Variants in KLC3 observed in about 807,000 individuals in gnomAD.
KLC3 encodes the protein kinesin light chain 2.
A neutral mutation model predicts 62.9 loss-of-function variants in KLC3; 72 were observed. The observed-to-expected ratio is 1.15, with a 90% CI of 0.95 to 1.39. The LOEUF is 1.39. KLC3 is among the 40% of genes most tolerant of loss of function. The pLI, the probability that KLC3 is intolerant of heterozygous loss-of-function variation, is 0.00. For synonymous variants in KLC3, 377 were observed against 300.5 expected, an observed-to-expected ratio of 1.25 and a Z score of -2.63; for missense variants, 848 against 691.6, an observed-to-expected ratio of 1.23 and a Z score of -2.54.
At chr19:45,344,958 T>G (rs1340748883) in intron 1 of KLC3, 4 of 157,404 alleles carry the variant, frequency 2.5e-5, no homozygotes, top group African/African-American at 4.8e-5. Context: ...CCTAGAGGCC[T>G]CCTGGGCTTC....
Position 45,341,776 on chromosome 19 carries a change from C to CGTGT in KLC3, c.-9+953_-9+956dup, listed in dbSNP as rs3047585. 1.1e-3 allele frequency among the ~76,000 whole-genome samples: 147 copies of CGTGT among 134,940 alleles called. 1 individual carries two copies. Among genetic ancestry groups the CGTGT allele is most frequent in the Middle Eastern group, 7.2e-3 (2 of 276 alleles). The allele number at this position is 134,940 out of a possible 152,430, so 88.5% of individuals were successfully genotyped here. On this transcript the variant is annotated intron_variant, in intron 1 of 12. Transcript: ENST00000391946. ...GTGGAGGTGTGTGAAGCCGTGTGTG[C>CGTGT]GTGTGTGTGTGTGTGTGTGTGTGTG...
At chr19:45,347,277 G>GGT in intron 3 of KLC3, 170 bp from the exon 4 acceptor site, 1 of 572,354 alleles carries the variant, frequency 1.7e-6, no homozygotes. Context: ...AGGAGGTGGA[G>GGT]GTTGCTGTGA....
At chr19:45,351,197 T>C in intron 12 of KLC3, 89 bp from the exon 13 acceptor site, 2 of 1,585,718 alleles carry the variant, frequency 1.3e-6, no homozygotes, top group South Asian at 1.1e-5. Context: ...GGTTGGATAG[T>C]TGGCTGCCAG....
Position 45,348,356 on chromosome 19 carries a change from G to C in KLC3, c.779+196G>C, listed in dbSNP as rs534763637. Among the ~76,000 whole-genome samples the C allele has an allele frequency of 4.2e-4, 64 of 151,374 alleles. 1 individual carries two copies. Among genetic ancestry groups the C allele is most frequent in the Admixed American group, 1.6e-3 (25 of 15,172 alleles). On this transcript the variant is annotated intron_variant, in intron 5 of 12. Coordinates refer to ENST00000391946, the MANE Select transcript of KLC3 (RefSeq NM_177417.3). ...GAGGGAGTGGGACAGGGATCTGGGGGGGCCACTGAGCCAGGCAGAGAGGAG... is the reference window on the plus strand; with the variant it reads ...GAGGGAGTGGGACAGGGATCTGGGGCGGCCACTGAGCCAGGCAGAGAGGAG...
chr19:45,347,360 AAAAAC>A lies in KLC3; in HGVS notation c.490-82_490-78del. 4 of 1,049,974 alleles carry A rather than the reference AAAAAC, an allele frequency of 3.8e-6. No individual in the cohort carries two copies. The African/African-American group carries it at 4.9e-5, about 13-fold the overall frequency. The allele number at this position is 1,049,974 out of a possible 1,614,324, so 65.0% of individuals were successfully genotyped here. A position where few individuals can be genotyped will look rare whatever the true frequency, so the allele number is the denominator to read the frequency against. On this transcript the variant is annotated intron_variant, in intron 3 of 12. Coordinates refer to ENST00000391946, the MANE Select transcript of KLC3 (RefSeq NM_177417.3). ...CGTCTCAAAAAAAAAAAAAAAACAA[AAAAAC>A]AAAAACCTGAGATAGAGCCAGGGCC...
At chr19:45,347,386 G>A (rs1971527987) in intron 3 of KLC3, 61 bp from the exon 4 acceptor site, 1 of 1,256,088 alleles carries the variant, frequency 8.0e-7, no homozygotes, top group Non-Finnish European at 1.1e-6. Context: ...GATAGAGCCA[G>A]GGCCCCGGTC....
At chr19:45,348,241 C>G in intron 5 of KLC3, 81 bp downstream of exon 5, 1 of 1,291,822 alleles carries the variant, frequency 7.7e-7, no homozygotes, top group Middle Eastern at 2.7e-4. Flanking sequence ...CTGGTGCCCC[C>G]TCTGTCACCA....
chr19:45,347,389 C>T (rs551561468), intron 3 of KLC3, 58 bp from the exon 4 acceptor site: 4 of 1,291,462 alleles, frequency 3.1e-6, no homozygotes, highest in East Asian at 2.3e-5. Flanking sequence ...AGAGCCAGGG[C>T]CCCGGTCTCT....
chr19:45,341,222 G>A (rs996686028), intron 1 of KLC3, among the ~76,000 whole-genome samples: 7 of 150,924 alleles, frequency 4.6e-5, no homozygotes, highest in Non-Finnish European at 1.5e-5. Flanking sequence ...GTGGCTTTGC[G>A]TGTGTGTAAG....
Position 45,348,705 on chromosome 19 carries a change from A to G in KLC3, c.839A>G (p.Glu280Gly). The G allele has an allele frequency of 6.3e-7, 1 of 1,595,818 alleles. No individual in the cohort carries two copies. Among genetic ancestry groups the G allele is most frequent in the Non-Finnish European group, 8.5e-7 (1 of 1,171,508 alleles). ...DLLHDALQIREQTLGPEHPAV... is the reference protein window; with the variant it reads ...DLLHDALQIRGQTLGPEHPAV... ...CTCCATGATGCCCTGCAGATCCGGGAGCAGACGCTGGGCCCTGAGCACCCC... is the reference window on the plus strand; with the variant it reads ...CTCCATGATGCCCTGCAGATCCGGGGGCAGACGCTGGGCCCTGAGCACCCC... The change falls in exon 6 of 13, where the codon GAG (glutamate) becomes GGG (glycine). Residue 280 changes from glutamate (E) to glycine (G), a missense_variant. Transcript: ENST00000391946.
chr19:45,341,767 CCGTGTGTG>C (rs1172084927), intron 1 of KLC3, among the ~76,000 whole-genome samples: 408 of 87,796 alleles, frequency 4.6e-3, no homozygotes, highest in African/African-American at 0.016. Flanking sequence ...GTGTGTGAAG[CCGTGTGTG>C]CGTGTGTGTG....
At position 45,346,651 on chromosome 19, in the gene KLC3, A is replaced by G. The variant is rs9749618; in HGVS notation, c.366A>G (p.Glu122=). The G allele has an allele frequency of 0.31, 484,352 of 1,556,750 alleles. 79,512 individuals carry two copies. The highest frequency in any genetic ancestry group is 0.36 in the Middle Eastern group (2,060 of 5,788). ...AGGAGAACGTGTGGCTGCGGGAGGA[A>G]CTGGAGGAGACGCAGCGGCGGCTTC... ...LAQENVWLRE[E]LEETQRRLRA... is the part of the protein sequence containing the mutation. Residue 122 remains glutamate, a synonymous_variant, in exon 3 of 13, where the codon GAA becomes GAG. Coordinates refer to ENST00000391946, the MANE Select transcript of KLC3 (RefSeq NM_177417.3).
Position 45,350,509 on chromosome 19 carries a change from C to A in KLC3, c.1235-5C>A, listed in dbSNP as rs1386174951. ...CATCTCAGTGTCCCCCATCTTTCCCCCTAGGTGCCCCCAACACAGGCACAG... is the reference window on the plus strand; with the variant it reads ...CATCTCAGTGTCCCCCATCTTTCCCACTAGGTGCCCCCAACACAGGCACAG... On this transcript the variant is annotated splice_polypyrimidine_tract_variant and splice_region_variant and intron_variant, in intron 9 of 12. Transcript: ENST00000391946. 8 of 1,613,782 alleles carry A rather than the reference C, an allele frequency of 5.0e-6. No homozygotes were observed. Among genetic ancestry groups the A allele is most frequent in the Non-Finnish European group, 5.9e-6 (7 of 1,179,934 alleles).
In KLC3 at chr19:45,347,493, C is replaced by T. The variant is rs759951593; in HGVS notation, c.536C>T (p.Pro179Leu). Residue 179 changes from proline to leucine, a missense_variant, in exon 4 of 13, where the codon CCC becomes CTC. By Grantham distance (98) the Pro-to-Leu change is moderately conservative. Coordinates refer to ENST00000391946, the MANE Select transcript of KLC3 (RefSeq NM_177417.3). ...PRRDSLASLF[P>L]SEEEERKGPE... The stretch of plus-strand genomic sequence containing the variant: ...CGAGACAGCCTGGCCTCCCTGTTCC[C>T]CAGCGAGGAGGAGGAGAGGAAAGGT... 1 of 1,612,790 alleles carries T rather than the reference C, an allele frequency of 6.2e-7. No homozygotes were observed. Among genetic ancestry groups the T allele is most frequent in the South Asian group, 1.1e-5 (1 of 90,892 alleles).
intron 1 of KLC3, among the ~76,000 whole-genome samples, chr19:45,341,578 T>TGTGTGTGTGCGCGCGC: frequency 1.1e-3 from 151 of 139,884 alleles, no homozygotes; most frequent in East Asian, 2.9e-3. Context: ...TGTGTGTGTG[T>TGTGTGTGTGCGCGCGC]GCGCGCGCGC....
At position 45,341,578 on chromosome 19, in the gene KLC3, T is replaced by TGTGTGTGTGTGTGTGTGTGCGC; in HGVS notation, c.-9+733_-9+734insTGTGTGTGTGTGTGTGTGCGCG. Among the ~76,000 whole-genome samples the TGTGTGTGTGTGTGTGTGTGCGC allele has an allele frequency of 5.3e-3, 738 of 139,838 alleles. 9 individuals carry two copies. The highest frequency in any genetic ancestry group is 0.018 in the African/African-American group (687 of 37,396). The allele number at this position is 139,838 out of a possible 152,430, so 91.7% of individuals were successfully genotyped here. On this transcript the variant is annotated intron_variant, in intron 1 of 12. Coordinates refer to ENST00000391946, the MANE Select transcript of KLC3 (RefSeq NM_177417.3). ...TGGTGTGTGTGTGTGTGTGTGTGTG[T>TGTGTGTGTGTGTGTGTGTGCGC]GCGCGCGCGCGTGTGGTGGACAGTG...
intron 1 of KLC3, among the ~76,000 whole-genome samples, chr19:45,342,180 T>C (rs1219035385): frequency 1.3e-5 from 2 of 152,048 alleles, no homozygotes; most frequent in African/African-American, 4.8e-5. Flanking sequence ...CAAAATTGTG[T>C]GAAGAATGGT....
chr19:45,346,046 C>T lies in KLC3; in HGVS notation c.258+247C>T, dbSNP rs147955518. On this transcript the variant is annotated intron_variant, in intron 2 of 12. Transcript: ENST00000391946. The stretch of plus-strand genomic sequence containing the variant: ...CTGGGCATGAGGGCTCCTGTAATCC[C>T]GGCTACTCAGGAGGCTGAGGCATGA... Among the ~76,000 whole-genome samples, 249 of 152,206 alleles carry T rather than the reference C, an allele frequency of 1.6e-3. 1 individual carries two copies. The highest frequency in any genetic ancestry group is 5.8e-3 in the African/African-American group (239 of 41,528).
Position 45,348,747 on chromosome 19 carries a change from C to A in KLC3, c.867+14C>A. The stretch of plus-strand genomic sequence containing the variant: ...GAGCACCCCGCGGTGAGTGGGGCCC[C>A]AGGGAGACGAAGTGGGGTCAAAGTG... On this transcript the variant is annotated intron_variant, in intron 6 of 12. Transcript: ENST00000391946. 6.4e-7 allele frequency: 1 copy of A among 1,574,466 alleles called. No individual in the cohort carries two copies. The highest frequency in any genetic ancestry group is 1.3e-5 in the African/African-American group (1 of 74,086).
Sources: allele counts gnomAD v4.1 joint callset (sites outside exome capture counted in the v4.1 genomes callset), GRCh38; gene constraint gnomAD v4.1.1; transcripts MANE v1.5; gene names NCBI Gene and HGNC (gene_info 2026-07-23, HGNC 2026-07-21).